The following LGSN variants were observed in gnomAD, a reference collection of about 807,000 sequenced individuals.
LGSN encodes lengsin.
A neutral mutation model predicts 19.5 loss-of-function variants in LGSN; 21 were observed. The observed-to-expected ratio is 1.07, with a 90% CI of 0.76 to 1.55. The LOEUF (loss-of-function observed/expected upper bound fraction) is 1.55. Among genes scored for constraint, LGSN ranks in the 40% most tolerant of loss-of-function variants. The pLI is 0.00. For synonymous variants in LGSN, 257 were observed against 215.6 expected (o/e 1.19, Z -1.68); for missense variants, 673 against 608.5 (o/e 1.11, Z -1.12).
chr6:63,321,613 AG>A (rs1231982281), upstream of LGSN, among the ~76,000 whole-genome samples: 2 of 152,096 alleles, frequency 1.3e-5, no homozygotes, highest in Admixed American at 1.3e-4. Context: ...TTTTGTAAAA[AG>A]TGTTCTAAAG....
At chr6:63,553,680 T>A in the LGSN span, among the ~76,000 whole-genome samples, 3 of 152,138 alleles carry the variant, frequency 2.0e-5, no homozygotes, top group African/African-American at 7.2e-5. Flanking sequence ...CTGATTAGGT[T>A]GGGGGAATTG....
At chr6:63,490,529 A>G in the LGSN span, among the ~76,000 whole-genome samples, 2 of 152,136 alleles carry the variant, frequency 1.3e-5, no homozygotes, top group African/African-American at 2.4e-5. Flanking sequence ...TTCTCCAAAG[A>G]AACAGATCCA....
At chr6:63,506,258 GTTGT>G in the LGSN span, among the ~76,000 whole-genome samples, 2,239 of 151,442 alleles carry the variant, frequency 0.015, 59 homozygotes, top group African/African-American at 0.05. Context: ...TGGTGGTGTT[GTTGT>G]TGTTGTTGTT....
the LGSN span, among the ~76,000 whole-genome samples, chr6:63,363,811 C>T: frequency 1.6e-4 from 24 of 152,240 alleles, no homozygotes; most frequent in African/African-American, 5.1e-4. Flanking sequence ...CCCAACCTAG[C>T]AAAGCAGGCC....
At chr6:63,420,969 G>A in the LGSN span, among the ~76,000 whole-genome samples, 2 of 151,840 alleles carry the variant, frequency 1.3e-5, no homozygotes, top group African/African-American at 4.8e-5. Flanking sequence ...TAAAATTTTA[G>A]AATTAAAAAA....
chr6:63,536,620 T>G, the LGSN span, among the ~76,000 whole-genome samples: 1 of 152,220 alleles, frequency 6.6e-6, no homozygotes. Context: ...TATAATATTT[T>G]TCTACTGTAA....
chr6:63,380,608 C>A, the LGSN span, among the ~76,000 whole-genome samples: 1 of 152,008 alleles, frequency 6.6e-6, no homozygotes, highest in Non-Finnish European at 1.5e-5. Context: ...ACGGAAGGAG[C>A]ATTTTTATTG....
chr6:63,502,209 G>A, the LGSN span, among the ~76,000 whole-genome samples: 1 of 152,156 alleles, frequency 6.6e-6, no homozygotes, highest in Non-Finnish European at 1.5e-5. Flanking sequence ...AAATACTTTG[G>A]AAATACTTCA....
At position 63,279,973 on chromosome 6, in the gene LGSN, G is replaced by T. The variant is rs775322493; in HGVS notation, c.*48C>A. 7 of 1,480,158 alleles carry T rather than the reference G, an allele frequency of 4.7e-6. No individual in the cohort carries two copies. The African/African-American group carries it at 9.9e-5, about 21-fold the overall frequency. 91.7% of individuals were successfully genotyped at this position (1,480,158 alleles called of 1,614,324 possible). On this transcript the variant is annotated 3_prime_UTR_variant, in exon 4 of 4. Coordinates refer to ENST00000370657, the MANE Select transcript of LGSN (RefSeq NM_016571.3). ...TCAGTCTTTTTGTTTTGGTAGATTA[G>T]CTTTAAGTAACAATTACATGTCTAA...
the LGSN span, among the ~76,000 whole-genome samples, chr6:63,329,190 C>A: frequency 6.6e-6 from 1 of 152,306 alleles, no homozygotes; most frequent in South Asian, 2.1e-4. Context: ...TAGCTTAGAT[C>A]TTGGGCCAGT....
chr6:63,471,996 T>C, the LGSN span, among the ~76,000 whole-genome samples: 2 of 152,322 alleles, frequency 1.3e-5, no homozygotes, highest in South Asian at 4.1e-4. Context: ...TTCTGTTTTA[T>C]CCAGGATTAT....
the LGSN span, among the ~76,000 whole-genome samples, chr6:63,485,218 G>T: frequency 2.0e-5 from 3 of 151,982 alleles, no homozygotes; most frequent in African/African-American, 7.3e-5. Context: ...CCCAGTGTGT[G>T]TTGTTCCCCT....
Position 63,277,186 on chromosome 6 carries a change from G to A in LGSN, c.*2835C>T, listed in dbSNP as rs1240123902. 1.3e-5 allele frequency: 2 copies of A among 152,070 alleles called. No individual in the cohort carries two copies. Among genetic ancestry groups the A allele is most frequent in the African/African-American group, 2.4e-5 (1 of 41,396 alleles). The allele number at this position is 152,070 out of a possible 1,614,324, so 9.4% of individuals were successfully genotyped here. On this transcript the variant is annotated 3_prime_UTR_variant, in exon 4 of 4. Transcript: ENST00000370657. The stretch of plus-strand genomic sequence containing the variant: ...CTAATAATGCGAAAGGGGAAAAAAC[G>A]GCTTCAAACACTGTGATTATCAGAC...
the LGSN span, among the ~76,000 whole-genome samples, chr6:63,383,006 T>G: frequency 6.6e-6 from 1 of 152,230 alleles, no homozygotes; most frequent in Non-Finnish European, 1.5e-5. Context: ...TCTAATTAAT[T>G]AAATAGCTAC....
the LGSN span, among the ~76,000 whole-genome samples, chr6:63,504,474 T>A: frequency 2.6e-5 from 4 of 152,184 alleles, no homozygotes; most frequent in African/African-American, 9.6e-5. Context: ...ACTCCTGACC[T>A]AGTGATCCAC....
At chr6:63,525,778 G>A in the LGSN span, among the ~76,000 whole-genome samples, 22 of 152,020 alleles carry the variant, frequency 1.4e-4, no homozygotes, top group Non-Finnish European at 2.8e-4. Flanking sequence ...TCCCCTGTCA[G>A]TCCTCCAATA....
chr6:63,439,133 T>C, the LGSN span, among the ~76,000 whole-genome samples: 1 of 151,718 alleles, frequency 6.6e-6, no homozygotes, highest in Non-Finnish European at 1.5e-5. Flanking sequence ...ATATTCTCAC[T>C]CATAGGTGGG....
chr6:63,432,183 GAAAA>G, the LGSN span, among the ~76,000 whole-genome samples: 33 of 25,050 alleles, frequency 1.3e-3, no homozygotes, highest in South Asian at 5.1e-3. Flanking sequence ...AGGAAAGAAA[GAAAA>G]GAAAAGAAAA....
the LGSN span, among the ~76,000 whole-genome samples, chr6:63,412,745 AAG>A: frequency 4.7e-5 from 4 of 84,590 alleles, no homozygotes; most frequent in African/African-American, 8.1e-5. Flanking sequence ...GAAAGAAAGA[AAG>A]AAAGAAAGAA....
Sources: gnomAD v4.1 joint callset for allele counts (sites outside exome capture counted in the v4.1 genomes callset) on GRCh38, gnomAD v4.1.1 for gene constraint, MANE v1.5 for transcripts, NCBI Gene and HGNC (gene_info 2026-07-23, HGNC 2026-07-21) for gene names.